CDK13: variants seen among roughly 807,000 people sequenced by gnomAD.
The protein encoded by CDK13 is cyclin-dependent kinase 13.
In CDK13, 40 loss-of-function variants were observed where a neutral mutation model predicts 137.6. That is an observed-to-expected ratio of 0.29 (90% confidence interval 0.23 to 0.38). The LOEUF (loss-of-function observed/expected upper bound fraction) is 0.38, where lower values mean the gene tolerates loss of function less well. CDK13 is among the 10% of genes least tolerant of loss of function. The probability of loss-of-function intolerance (pLI) is 1.00; values close to 1 mark genes in which losing one functional copy is unlikely to be tolerated. For missense variants in CDK13, 1,704 were observed against 1,951.8 expected, an observed-to-expected ratio of 0.87 and a Z score of 2.39; for synonymous variants, 869 against 760.1, an observed-to-expected ratio of 1.14 and a Z score of -2.36.
intron 7 of CDK13, among the ~76,000 whole-genome samples, chr7:40,060,134 A>G (rs1786109392): frequency 6.6e-6 from 1 of 152,202 alleles, no homozygotes; most frequent in African/African-American, 2.4e-5. Context: ...TAAATATTGC[A>G]TTAGATGATG....
chr7:40,049,430 A>G (rs1785830977), intron 7 of CDK13, among the ~76,000 whole-genome samples: 2 of 151,292 alleles, frequency 1.3e-5, no homozygotes, highest in South Asian at 2.1e-4. Context: ...TGAAGTTTAA[A>G]ACTGTTTTAA....
intron 5 of CDK13, among the ~76,000 whole-genome samples, chr7:40,044,507 C>T (rs1367583267): frequency 6.6e-6 from 1 of 151,180 alleles, no homozygotes; most frequent in East Asian, 2.0e-4. Flanking sequence ...TTTGTAGAGA[C>T]AGGGTTTCGA....
At chr7:40,012,296 G>A (rs1038051175) in intron 5 of CDK13, among the ~76,000 whole-genome samples, 3 of 152,122 alleles carry the variant, frequency 2.0e-5, no homozygotes, top group African/African-American at 7.2e-5. Context: ...TCTACTACTG[G>A]ATCTCCAAAA....
intron 11 of CDK13, among the ~76,000 whole-genome samples, chr7:40,081,789 T>C (rs1335432725): frequency 1.3e-5 from 2 of 152,160 alleles, no homozygotes; most frequent in Non-Finnish European, 2.9e-5. Context: ...ATTTTGTATT[T>C]TTAGTAGAGA....
At chr7:39,968,407 C>G (rs1382504960) in intron 1 of CDK13, among the ~76,000 whole-genome samples, 1 of 152,044 alleles carries the variant, frequency 6.6e-6, no homozygotes, top group African/African-American at 2.4e-5. Context: ...TTTTCCCACC[C>G]CTGTTTATTT....
intron 1 of CDK13, among the ~76,000 whole-genome samples, chr7:39,953,306 A>C (rs1182039351): frequency 6.6e-6 from 1 of 152,204 alleles, no homozygotes; most frequent in Admixed American, 6.5e-5. Flanking sequence ...TGTATCTTGT[A>C]AGACTTTGTA....
In CDK13 at chr7:39,987,905, A is replaced by G; in HGVS notation, c.1518A>G (p.Ala506=). Residue 506 remains alanine, a synonymous_variant, in exon 2 of 14, where the codon GCA becomes GCG. Transcript: ENST00000181839. The part of the protein sequence containing the change: ...TKGNTETSAS[A]SQTNHVKDVK... Reference sequence around the variant, plus strand: ...GGAACACGGAAACTAGTGCCAGTGCATCACAAACAAACCATGTGAAGGATG... The same window carrying G: ...GGAACACGGAAACTAGTGCCAGTGCGTCACAAACAAACCATGTGAAGGATG... 1 of 1,614,236 alleles carries G rather than the reference A, an allele frequency of 6.2e-7. No individual in the cohort carries two copies. Among genetic ancestry groups the G allele is most frequent in the Non-Finnish European group, 8.5e-7 (1 of 1,180,022 alleles).
intron 1 of CDK13, 74 bp downstream of exon 1, chr7:39,951,926 C>T (rs545664788): frequency 2.8e-5 from 37 of 1,304,044 alleles, no homozygotes; most frequent in Non-Finnish European, 3.5e-5. Context: ...GAAAGTGGTG[C>T]CCGGGTCCTC....
chr7:40,000,857 T>C (rs1486883851), intron 4 of CDK13, among the ~76,000 whole-genome samples: 1 of 152,202 alleles, frequency 6.6e-6, no homozygotes, highest in Non-Finnish European at 1.5e-5. Context: ...AACAAACCTT[T>C]ATTATAGTGA....
At chr7:40,014,803 C>CT (rs1357871123) in intron 5 of CDK13, among the ~76,000 whole-genome samples, 1 of 152,072 alleles carries the variant, frequency 6.6e-6, no homozygotes, top group Non-Finnish European at 1.5e-5. Context: ...GTCCTTTGCT[C>CT]TTTTTTAACT....
At chr7:40,062,185 C>T (rs988702580) in intron 7 of CDK13, 1 of 152,220 alleles carries the variant, frequency 6.6e-6, no homozygotes, top group Non-Finnish European at 1.5e-5. Context: ...CTCTTTAAAT[C>T]AGTTAATCCC....
At position 40,043,000 on chromosome 7, in the gene CDK13, A is replaced by AC. The variant is rs1482288464; in HGVS notation, c.2354-2832dup. On this transcript the variant is annotated intron_variant, in intron 5 of 13. Transcript: ENST00000181839. ...CCATGTCGCCCCAGGCTAGTCTCAAACCCCTGGCCTCAAGCAGTCCTCTCG... is the reference window on the plus strand; with the variant it reads ...CCATGTCGCCCCAGGCTAGTCTCAAACCCCCTGGCCTCAAGCAGTCCTCTCG... 2.6e-5 allele frequency among the ~76,000 whole-genome samples: 4 copies of AC among 151,396 alleles called. No homozygotes were observed. In the East Asian group the frequency reaches 7.8e-4, roughly 30 times the overall value.
At chr7:40,062,683 G>T in intron 7 of CDK13, 143 bp from the exon 8 acceptor site, 1 of 684,276 alleles carries the variant, frequency 1.5e-6, no homozygotes. Context: ...AGATACCTTT[G>T]GATGTCTGTA....
At chr7:39,988,346 C>G (rs1393720790) in intron 2 of CDK13, 88 bp downstream of exon 2, 1 of 933,098 alleles carries the variant, frequency 1.1e-6, no homozygotes, top group African/African-American at 1.7e-5. Context: ...CTAACCCCCT[C>G]GAAACAACTT....
intron 5 of CDK13, among the ~76,000 whole-genome samples, chr7:40,003,763 C>A (rs1261710580): frequency 6.6e-6 from 1 of 152,128 alleles, no homozygotes; most frequent in Non-Finnish European, 1.5e-5. Context: ...CCCATCTATG[C>A]CATTTTGATT....
chr7:39,999,002 A>C lies in CDK13; in HGVS notation c.2043-359A>C, dbSNP rs1784623871. ...TATATATTATTGTTAATGGATGCAA[A>C]ATAAAACTTTCTGGAGATTGGTTAG... On this transcript the variant is annotated intron_variant, in intron 3 of 13. Transcript: ENST00000181839. 2 of 159,300 alleles carry C rather than the reference A, an allele frequency of 1.3e-5. 1 individual carries two copies. Among genetic ancestry groups the C allele is most frequent in the South Asian group, 4.1e-4 (2 of 4,932 alleles). 9.9% of individuals were successfully genotyped at this position (159,300 alleles called of 1,614,324 possible).
intron 1 of CDK13, among the ~76,000 whole-genome samples, chr7:39,978,214 C>T (rs748860770): frequency 4.6e-5 from 7 of 151,960 alleles, no homozygotes; most frequent in East Asian, 1.9e-4. Flanking sequence ...CCTCAAGGTG[C>T]GGAAACAGCC....
intron 1 of CDK13, among the ~76,000 whole-genome samples, chr7:39,970,554 A>G (rs893610750): frequency 1.5e-4 from 23 of 150,596 alleles, no homozygotes; most frequent in African/African-American, 5.4e-4. Context: ...TCCGCCTCCC[A>G]GGTTCAAGCA....
chr7:40,083,198 A>G (rs1454209232), intron 11 of CDK13, among the ~76,000 whole-genome samples: 1 of 147,916 alleles, frequency 6.8e-6, no homozygotes, highest in Non-Finnish European at 1.5e-5. Context: ...GAGGCTGGGC[A>G]TGGTGACTCA....
Sources: gnomAD v4.1 joint callset for allele counts (sites outside exome capture counted in the v4.1 genomes callset) on GRCh38, gnomAD v4.1.1 for gene constraint, MANE v1.5 for transcripts, NCBI Gene and HGNC (gene_info 2026-07-23, HGNC 2026-07-21) for gene names.